Variants in PCNX2 observed in about 807,000 individuals in gnomAD.
PCNX2 encodes the protein pecanex-like protein 2.
A neutral mutation model predicts 223.8 loss-of-function variants in PCNX2; 168 were observed. The ratio of observed to expected loss-of-function variants is 0.75; its 90% CI spans 0.66 to 0.85. PCNX2 has a LOEUF of 0.85. Among genes scored for constraint, PCNX2 ranks in the 40% least tolerant of loss-of-function variants. The probability of loss-of-function intolerance (pLI) is 0.00; values close to 1 mark genes in which losing one functional copy is unlikely to be tolerated. For missense variants in PCNX2, 2,507 were observed against 2,675.5 expected (o/e 0.94, Z 1.39); for synonymous variants, 1,006 against 1,052.6 (o/e 0.96, Z 0.86).
intron 25 of PCNX2, among the ~76,000 whole-genome samples, chr1:233,027,277 G>A (rs1329886272): frequency 6.6e-6 from 1 of 152,202 alleles, no homozygotes; most frequent in Non-Finnish European, 1.5e-5. Context: ...TGGTGGAATG[G>A]TGGGGGAGGG....
At chr1:233,013,996 T>C (rs1466043508) in intron 28 of PCNX2, among the ~76,000 whole-genome samples, 1 of 152,172 alleles carries the variant, frequency 6.6e-6, no homozygotes, top group Non-Finnish European at 1.5e-5. Flanking sequence ...CAATGGCCAC[T>C]GATTTGGGTG....
chr1:233,010,955 T>A (rs1264288985), intron 28 of PCNX2, among the ~76,000 whole-genome samples: 1 of 152,222 alleles, frequency 6.6e-6, no homozygotes, highest in Non-Finnish European at 1.5e-5. Flanking sequence ...GTGAAGCATA[T>A]GTTTAAGACC....
At chr1:233,027,247 G>T (rs140623449) in intron 25 of PCNX2, among the ~76,000 whole-genome samples, 4 of 152,282 alleles carry the variant, frequency 2.6e-5, no homozygotes, top group Admixed American at 2.6e-4. Flanking sequence ...GGTGTATGTT[G>T]ATCTTTGCAA....
chr1:233,200,335 G>T, intron 13 of PCNX2, 71 bp from the exon 14 acceptor site: 2 of 1,031,132 alleles, frequency 1.9e-6, no homozygotes, highest in Non-Finnish European at 2.8e-6. Context: ...CTGCAGTGCT[G>T]TCTCTCTCCC....
chr1:233,107,824 G>A (rs1571881000), intron 21 of PCNX2, among the ~76,000 whole-genome samples: 1 of 152,210 alleles, frequency 6.6e-6, no homozygotes, highest in South Asian at 2.1e-4. Flanking sequence ...CTACTGGGCT[G>A]CATTCCCAGA....
At chr1:233,165,484 G>A (rs569949096) in intron 17 of PCNX2, among the ~76,000 whole-genome samples, 15 of 152,232 alleles carry the variant, frequency 9.9e-5, no homozygotes, top group Admixed American at 7.9e-4. Flanking sequence ...ATATTCTGAG[G>A]CTCAAAATGT....
chr1:233,270,190 C>CA (rs887479866), intron 1 of PCNX2, among the ~76,000 whole-genome samples: 5 of 151,328 alleles, frequency 3.3e-5, no homozygotes, highest in Non-Finnish European at 2.9e-5. Flanking sequence ...GGTGTGTATA[C>CA]AAAAAAAAGC....
At chr1:233,061,847 C>T (rs1243672809) in intron 23 of PCNX2, among the ~76,000 whole-genome samples, 1 of 152,102 alleles carries the variant, frequency 6.6e-6, no homozygotes, top group Non-Finnish European at 1.5e-5. Flanking sequence ...CAACCTCCGC[C>T]TCCTGGGTTC....
In PCNX2 at chr1:233,210,716, A is replaced by T. The variant is rs1162072768; in HGVS notation, c.2692-2027T>A. On this transcript the variant is annotated intron_variant, in intron 12 of 33. Coordinates refer to ENST00000258229, the MANE Select transcript of PCNX2 (RefSeq NM_014801.4). ...TTAATTTTTCCAGTAGAAAAATTCC[A>T]GTAGCTCCGCCAGCTGAAGTCTGAT... The T allele has an allele frequency of 8.1e-6, 7 of 860,298 alleles. No homozygotes were observed. In the East Asian group the frequency reaches 7.3e-4, roughly 89 times the overall value. 53.3% of individuals were successfully genotyped at this position (860,298 alleles called of 1,614,324 possible).
intron 19 of PCNX2, among the ~76,000 whole-genome samples, chr1:233,155,761 G>C (rs2102811331): frequency 6.6e-6 from 1 of 152,208 alleles, no homozygotes; most frequent in Non-Finnish European, 1.5e-5. Context: ...TTTTCAATCA[G>C]GTCCAACTTT....
intron 19 of PCNX2, among the ~76,000 whole-genome samples, chr1:233,157,169 G>C (rs1445718733): frequency 6.6e-6 from 1 of 152,076 alleles, no homozygotes; most frequent in Non-Finnish European, 1.5e-5. Flanking sequence ...TAGCCTTATG[G>C]CTCTTCTGGG....
chr1:233,153,718 G>A (rs568587241), intron 19 of PCNX2, among the ~76,000 whole-genome samples: 1 of 152,286 alleles, frequency 6.6e-6, no homozygotes, highest in Admixed American at 6.5e-5. Context: ...AATACCAGAA[G>A]AGATACCTTA....
At chr1:232,998,509 G>T in intron 31 of PCNX2, 71 bp from the exon 32 acceptor site, 1 of 1,537,058 alleles carries the variant, frequency 6.5e-7, no homozygotes. Context: ...CACCACCATG[G>T]CCTTGCCTAA....
rs573098268 is a variant in PCNX2, at chr1:233,144,727, G to T, written c.3518-4872C>A. On this transcript the variant is annotated intron_variant, in intron 19 of 33. Coordinates refer to ENST00000258229, the MANE Select transcript of PCNX2 (RefSeq NM_014801.4). ...TGTTGCCTGGTTCTTTTTCCTATTG[G>T]ATTATATGTCTTTTCCTTATTGATT... 5.3e-5 allele frequency among the ~76,000 whole-genome samples: 8 copies of T among 151,878 alleles called. No individual in the cohort carries two copies. In the South Asian group the frequency reaches 1.7e-3, roughly 32 times the overall value.
At chr1:233,060,743 C>T (rs1672375559) in intron 23 of PCNX2, among the ~76,000 whole-genome samples, 1 of 152,200 alleles carries the variant, frequency 6.6e-6, no homozygotes, top group South Asian at 2.1e-4. Context: ...AATCCTGGTA[C>T]ACATTAGGCA....
intron 1 of PCNX2, among the ~76,000 whole-genome samples, chr1:233,264,509 CCAAA>C (rs1401757679): frequency 6.6e-6 from 1 of 150,812 alleles, no homozygotes; most frequent in Non-Finnish European, 1.5e-5. Flanking sequence ...AATGGAATAG[CCAAA>C]CAGAGCACAA....
chr1:233,078,703 T>G (rs1001712773), intron 23 of PCNX2, among the ~76,000 whole-genome samples: 3 of 152,192 alleles, frequency 2.0e-5, no homozygotes, highest in Admixed American at 6.5e-5. Flanking sequence ...AGTCGCATGG[T>G]CGGCTACACT....
At chr1:233,272,148 A>C (rs1660669099) in intron 1 of PCNX2, among the ~76,000 whole-genome samples, 1 of 152,214 alleles carries the variant, frequency 6.6e-6, no homozygotes, top group Non-Finnish European at 1.5e-5. Flanking sequence ...AGTAGGACTT[A>C]ATTAAACTAA....
chr1:233,127,199 G>A (rs1676153049), intron 21 of PCNX2, among the ~76,000 whole-genome samples: 1 of 152,116 alleles, frequency 6.6e-6, no homozygotes, highest in South Asian at 2.1e-4. Context: ...TAGGAATGAA[G>A]TCCAAACTCT....
Sources: gnomAD v4.1 joint callset for allele counts (sites outside exome capture counted in the v4.1 genomes callset) on GRCh38, gnomAD v4.1.1 for gene constraint, MANE v1.5 for transcripts, NCBI Gene and HGNC (gene_info 2026-07-23, HGNC 2026-07-21) for gene names.